The following MISFA variants were observed in gnomAD, a reference collection of about 807,000 sequenced individuals.
The protein encoded by MISFA is mitochondrial sheath formation associated.
chr11:18,609,655 T>G, the MISFA span: 1 of 580,990 alleles, frequency 1.7e-6, no homozygotes. Flanking sequence ...CAAGTGGGCA[T>G]TATATCATCT....
the MISFA span, chr11:18,601,461 T>G: frequency 7.5e-6 from 3 of 398,152 alleles, no homozygotes; most frequent in Non-Finnish European, 1.3e-5. Flanking sequence ...TTTTTTTTTT[T>G]TTTCTGAAAC....
chr11:18,599,855 A>G, the MISFA span: 15 of 398,054 alleles, frequency 3.8e-5, no homozygotes, highest in Non-Finnish European at 6.7e-5. Context: ...TCGTGAGCGC[A>G]CTCCTTTGCC....
At chr11:18,602,084 C>G in the MISFA span, 2 of 152,214 alleles carry the variant, frequency 1.3e-5, no homozygotes, top group South Asian at 4.1e-4. Context: ...GCACATTTCT[C>G]TGTCTCTGGA....
chr11:18,605,210 A>C, the MISFA span, among the ~76,000 whole-genome samples: 472 of 152,038 alleles, frequency 3.1e-3, 3 homozygotes, highest in African/African-American at 0.011. Flanking sequence ...ACTGCACTCC[A>C]GCCTGGGTGA....
At chr11:18,600,825 A>T in the MISFA span, among the ~76,000 whole-genome samples, 1 of 151,950 alleles carries the variant, frequency 6.6e-6, no homozygotes, top group Non-Finnish European at 1.5e-5. Context: ...CGGCCAGGAC[A>T]TCCTTTTAAG....
chr11:18,601,811 C>G, the MISFA span: 3 of 333,164 alleles, frequency 9.0e-6, no homozygotes, highest in Non-Finnish European at 1.6e-5. Context: ...GCTACGTGAC[C>G]TTGGGAAAGT....
the MISFA span, chr11:18,607,770 T>TTA: frequency 1.3e-5 from 2 of 152,170 alleles, no homozygotes; most frequent in African/African-American, 4.8e-5. Context: ...AAATCAACAT[T>TTA]TATATTATAG....
chr11:18,607,367 G>C, the MISFA span: 1 of 152,592 alleles, frequency 6.6e-6, no homozygotes, highest in Non-Finnish European at 1.5e-5. Context: ...TGCAATCAGA[G>C]CCATGAGTTT....
At chr11:18,601,690 A>G in the MISFA span, 3 of 395,782 alleles carry the variant, frequency 7.6e-6, no homozygotes, top group African/African-American at 6.2e-5. Context: ...GATTGCAGGC[A>G]TAAACCACCG....
the MISFA span, chr11:18,603,200 G>C: frequency 1.3e-5 from 5 of 398,996 alleles, no homozygotes; most frequent in Admixed American, 4.4e-5. Flanking sequence ...GGAGGGGTAA[G>C]TGTACCTTCA....
At chr11:18,606,096 T>A in the MISFA span, among the ~76,000 whole-genome samples, 2 of 152,174 alleles carry the variant, frequency 1.3e-5, no homozygotes, top group Non-Finnish European at 2.9e-5. Flanking sequence ...GTGTCCTCCC[T>A]CCATTTGAGT....
the MISFA span, chr11:18,603,042 G>T: frequency 2.5e-6 from 1 of 398,240 alleles, no homozygotes; most frequent in South Asian, 1.3e-4. Flanking sequence ...GGATTCCTAC[G>T]ACTCAGGGAA....
the MISFA span, chr11:18,607,748 T>C: frequency 1.3e-5 from 2 of 152,208 alleles, no homozygotes; most frequent in African/African-American, 2.4e-5. Flanking sequence ...TGCTCTTTTA[T>C]AATGTTGACG....
At chr11:18,601,700 G>A in the MISFA span, 37 of 395,144 alleles carry the variant, frequency 9.4e-5, no homozygotes, top group East Asian at 9.0e-4. Flanking sequence ...ATAAACCACC[G>A]TGCCTTGCCA....
the MISFA span, chr11:18,608,262 A>T: frequency 3.3e-5 from 5 of 152,662 alleles, no homozygotes; most frequent in Non-Finnish European, 7.3e-5. Context: ...GCACTTTCAA[A>T]GTTTGAAACT....
chr11:18,603,106 T>C, the MISFA span: 3 of 399,054 alleles, frequency 7.5e-6, no homozygotes, highest in Non-Finnish European at 1.3e-5. Flanking sequence ...CACCACCAGC[T>C]GAGAAAGAAG....
chr11:18,608,220 TTCATGGGATTCAACTTA>T, the MISFA span: 1 of 152,752 alleles, frequency 6.5e-6, no homozygotes, highest in Admixed American at 6.5e-5. Flanking sequence ...GATGACACCT[TTCATGGGATTCAACTTA>T]AAAATTAAAT....
chr11:18,604,217 T>C, the MISFA span, among the ~76,000 whole-genome samples: 142,536 of 152,074 alleles, frequency 0.94, 67,537 homozygotes, highest in East Asian at 1. Flanking sequence ...TGAGCCAATG[T>C]GCCCGGCATT....
chr11:18,600,851 C>G, the MISFA span, among the ~76,000 whole-genome samples: 2 of 151,944 alleles, frequency 1.3e-5, no homozygotes, highest in East Asian at 3.9e-4. Context: ...TTTTGTTTCC[C>G]CCTCCCTTGC....
Sources: allele counts gnomAD v4.1 joint callset (sites outside exome capture counted in the v4.1 genomes callset), GRCh38; gene constraint gnomAD v4.1.1; transcripts MANE v1.5; gene names NCBI Gene and HGNC (gene_info 2026-07-23, HGNC 2026-07-21).